The following RNF17 variants were observed in gnomAD, a reference collection of about 807,000 sequenced individuals.
RNF17 encodes the protein spermatogenesis associated 23.
Under a neutral mutation model 200.5 loss-of-function variants are expected in RNF17, and 31 were observed. The ratio of observed to expected loss-of-function variants is 0.15; its 90% CI spans 0.12 to 0.21. The LOEUF (loss-of-function observed/expected upper bound fraction) is 0.21, where lower values mean the gene tolerates loss of function less well. RNF17 is among the 10% of genes least tolerant of loss of function. The pLI, the probability that RNF17 is intolerant of heterozygous loss-of-function variation, is 1.00. For synonymous variants in RNF17, 606 were observed against 637.8 expected (o/e 0.95, Z 0.75); for missense variants, 1,628 against 1,905.1 (o/e 0.85, Z 2.71).
chr13:24,771,625 A>G (rs1880709383), intron 2 of RNF17, among the ~76,000 whole-genome samples: 1 of 139,272 alleles, frequency 7.2e-6, no homozygotes, highest in South Asian at 2.4e-4. Flanking sequence ...TGCTTCATGA[A>G]TTCTAGGTAG....
the RNF17 span, among the ~76,000 whole-genome samples, chr13:24,752,563 A>T: frequency 6.6e-6 from 1 of 152,332 alleles, no homozygotes; most frequent in East Asian, 1.9e-4. Context: ...AGGGATCAAG[A>T]AACTCTGATA....
Position 24,767,353 on chromosome 13 carries a change from G to T in RNF17, c.212G>T (p.Cys71Phe), listed in dbSNP as rs762893507. 1 of 1,597,484 alleles carries T rather than the reference G, an allele frequency of 6.3e-7. No individual in the cohort carries two copies. Among genetic ancestry groups the T allele is most frequent in the Non-Finnish European group, 8.6e-7 (1 of 1,165,300 alleles). ...ACTGAAGAATGCACCACAATTATAT[G>T]CCCTGATTGTGAGGTAAGTGTTATA... ...LMTEECTTII[C>F]PDCEVATAVN... The change falls in exon 2 of 36, where the codon TGC (cysteine) becomes TTC (phenylalanine). Residue 71 changes from cysteine to phenylalanine, a missense_variant. Physicochemically the swap from Cys to Phe is radical, Grantham distance 205. Transcript: ENST00000255324.
chr13:24,841,953 G>C (rs1890684442), intron 18 of RNF17, 88 bp from the exon 19 acceptor site: 1 of 1,132,426 alleles, frequency 8.8e-7, no homozygotes, highest in African/African-American at 1.6e-5. Context: ...GCGACAGAGT[G>C]AGACTCTGTC....
At chr13:24,787,835 C>A in intron 6 of RNF17, 153 bp from the exon 7 acceptor site, 1 of 473,118 alleles carries the variant, frequency 2.1e-6, no homozygotes, top group Non-Finnish European at 3.7e-6. Flanking sequence ...TGAAAGTACC[C>A]TTTCAGATAC....
At chr13:24,873,919 G>A (rs1438856371) in intron 32 of RNF17, among the ~76,000 whole-genome samples, 195 bp from the exon 33 acceptor site, 2 of 152,124 alleles carry the variant, frequency 1.3e-5, no homozygotes, top group African/African-American at 2.4e-5. Context: ...GTATTCCATT[G>A]TGTATATAAT....
the RNF17 span, among the ~76,000 whole-genome samples, chr13:24,757,667 T>C: frequency 6.6e-6 from 1 of 152,166 alleles, no homozygotes; most frequent in East Asian, 1.9e-4. Context: ...GTTGGAAAAA[T>C]CTATGAGCAG....
Position 24,804,024 on chromosome 13 carries a change from A to T in RNF17, c.1950-264A>T, listed in dbSNP as rs1016584722. Reference sequence around the variant, plus strand: ...TGGTGGCTTACACTTGTATCCCAGCACTTTGGGAGGCCAAGGCAGTAGGGT... The same window carrying T: ...TGGTGGCTTACACTTGTATCCCAGCTCTTTGGGAGGCCAAGGCAGTAGGGT... On this transcript the variant is annotated intron_variant, in intron 14 of 35. Transcript: ENST00000255324. 2.5e-5 allele frequency: 9 copies of T among 361,780 alleles called. No individual in the cohort carries two copies. The South Asian group carries it at 2.5e-4, about 10-fold the overall frequency. The allele number at this position is 361,780 out of a possible 1,614,324, so 22.4% of individuals were successfully genotyped here. A position where few individuals can be genotyped will look rare whatever the true frequency, so the allele number is the denominator to read the frequency against.
At chr13:24,851,728 T>C (rs1891916413) in intron 24 of RNF17, among the ~76,000 whole-genome samples, 157 bp downstream of exon 24, 1 of 152,188 alleles carries the variant, frequency 6.6e-6, no homozygotes, top group Non-Finnish European at 1.5e-5. Context: ...ATAGATTCCT[T>C]CAGAATTGCT....
At chr13:24,822,148 C>G (rs1584669) in intron 15 of RNF17, among the ~76,000 whole-genome samples, 3,688 of 152,212 alleles carry the variant, frequency 0.024, 133 homozygotes, top group African/African-American at 0.084. Flanking sequence ...CTGGCCACCC[C>G]ACCCTAATCT....
intron 7 of RNF17, among the ~76,000 whole-genome samples, chr13:24,788,789 G>A (rs781082753): frequency 8.5e-5 from 13 of 152,054 alleles, no homozygotes; most frequent in African/African-American, 2.9e-4. Context: ...AAGGGTATAG[G>A]TTTTGCTTTA....
In RNF17 at chr13:24,802,620, A is replaced by G. The variant is rs368074102; in HGVS notation, c.1949+49A>G. On this transcript the variant is annotated intron_variant, in intron 14 of 35. Coordinates refer to ENST00000255324, the MANE Select transcript of RNF17 (RefSeq NM_031277.3). ...ATATTCTTTGAGATTATAGCTATAAATGAGAGTAGCAGATTTTGCCTTTAA... is the reference window on the plus strand; with the variant it reads ...ATATTCTTTGAGATTATAGCTATAAGTGAGAGTAGCAGATTTTGCCTTTAA... 13 of 1,456,594 alleles carry G rather than the reference A, an allele frequency of 8.9e-6. No homozygotes were observed. The African/African-American group carries it at 1.6e-4, about 18-fold the overall frequency. The allele number at this position is 1,456,594 out of a possible 1,614,324, so 90.2% of individuals were successfully genotyped here.
intron 16 of RNF17, among the ~76,000 whole-genome samples, chr13:24,829,106 C>G (rs559046153): frequency 6.6e-6 from 1 of 152,110 alleles, no homozygotes; most frequent in African/African-American, 2.4e-5. Flanking sequence ...TTTATCTTCT[C>G]CAATTGGGCT....
chr13:24,822,789 A>G (rs1888218030), intron 15 of RNF17, among the ~76,000 whole-genome samples: 2 of 152,238 alleles, frequency 1.3e-5, no homozygotes, highest in African/African-American at 4.8e-5. Flanking sequence ...ATAAAATGAA[A>G]TGACAGAGGT....
downstream of RNF17, chr13:24,884,587 CCTTT>C: frequency 1.1e-6 from 1 of 948,304 alleles, no homozygotes; most frequent in Non-Finnish European, 1.7e-6. Flanking sequence ...CTCAAAAGAT[CCTTT>C]ATTTCGTGAG....
the RNF17 span, among the ~76,000 whole-genome samples, chr13:24,752,744 C>T: frequency 2.4e-4 from 37 of 152,358 alleles, no homozygotes; most frequent in Non-Finnish European, 5.3e-4. Flanking sequence ...TGCTGTGCTG[C>T]CAGGTTCTTA....
At chr13:24,831,419 G>A (rs1889378521) in intron 17 of RNF17, among the ~76,000 whole-genome samples, 1 of 152,160 alleles carries the variant, frequency 6.6e-6, no homozygotes, top group South Asian at 2.1e-4. Context: ...TCTAGCCTGG[G>A]TGACAGGGCA....
intron 15 of RNF17, among the ~76,000 whole-genome samples, chr13:24,811,091 C>A (rs202048843): frequency 0.14 from 20,546 of 150,060 alleles, 1,851 homozygotes; most frequent in Admixed American, 0.25. Flanking sequence ...CCTTCATTTC[C>A]ACTTTGGTGA....
chr13:24,850,994 A>G (rs1170499322), intron 23 of RNF17, among the ~76,000 whole-genome samples: 1 of 151,916 alleles, frequency 6.6e-6, no homozygotes, highest in Non-Finnish European at 1.5e-5. Flanking sequence ...ACTCTCTTCC[A>G]TGCTGTTTGC....
At chr13:24,883,920 T>A (rs759093686), downstream of RNF17, 8 of 1,613,062 alleles carry the variant, frequency 5.0e-6, 1 homozygote, top group South Asian at 8.8e-5. Flanking sequence ...GATGAACAGG[T>A]GTCACACTGA....
Sources: allele counts gnomAD v4.1 joint callset (sites outside exome capture counted in the v4.1 genomes callset), GRCh38; gene constraint gnomAD v4.1.1; transcripts MANE v1.5; gene names NCBI Gene and HGNC (gene_info 2026-07-23, HGNC 2026-07-21).